The following CSPP1 variants were observed in gnomAD, a reference collection of about 807,000 sequenced individuals.
CSPP1 encodes the protein centrosome and spindle pole associated protein 1, also known as centrosome and spindle pole-associated protein 1.
CSPP1 carries 126 observed loss-of-function variants against 164.4 expected under a neutral mutation model. The observed-to-expected ratio is 0.77, with a 90% CI of 0.66 to 0.89. CSPP1 has a LOEUF of 0.89. Ranked by LOEUF, CSPP1 falls within the 40% of genes least tolerant of loss-of-function variation. CSPP1 has a pLI of 0.00. For missense variants in CSPP1, 1,395 were observed against 1,449.8 expected (o/e 0.96, Z 0.61); for synonymous variants, 472 against 476.7 (o/e 0.99, Z 0.13).
In CSPP1 at chr8:67,187,625, C is replaced by A. The variant is rs1404248914; in HGVS notation, c.3221-3025C>A. ...CTTGAGCCTGGAAGTTCAAGGCTGC[C>A]GTGAGCTATGATCACGCCACTAAAC... On this transcript the variant is annotated intron_variant, in intron 28 of 30. Coordinates refer to ENST00000678616, the MANE Select transcript of CSPP1 (RefSeq NM_001382391.1). Among the ~76,000 whole-genome samples the A allele has an allele frequency of 2.0e-5, 3 of 151,584 alleles. No homozygotes were observed. In the South Asian group the frequency reaches 6.2e-4, roughly 32 times the overall value.
At position 67,073,303 on chromosome 8, in the gene CSPP1, A is replaced by G. The variant is rs545462863; in HGVS notation, c.-10-940A>G. ...TCTCTTTGTGACACCTTAAAATTTC[A>G]CCTAATATTTCTGGTGAGAATGCAT... is the stretch of plus-strand genomic sequence containing the variant. On this transcript the variant is annotated intron_variant, in intron 1 of 30. Transcript: ENST00000678616. 2.0e-5 allele frequency among the ~76,000 whole-genome samples: 3 copies of G among 152,260 alleles called. No individual in the cohort carries two copies. In the East Asian group the frequency reaches 5.8e-4, roughly 29 times the overall value.
At position 67,164,684 on chromosome 8, in the gene CSPP1, A is replaced by G. The variant is rs140228345; in HGVS notation, c.2828+176A>G. ...AGAAATTTAGTTCTCAAGGGGATTC[A>G]TGTAGGAATGGAAATTTCCGGGTTG... On this transcript the variant is annotated intron_variant, in intron 24 of 30. Coordinates refer to ENST00000678616, the MANE Select transcript of CSPP1 (RefSeq NM_001382391.1). Among the ~76,000 whole-genome samples, 1,135 of 152,320 alleles carry G rather than the reference A, an allele frequency of 7.5e-3. 47 individuals carry two copies. The highest frequency in any genetic ancestry group is 8.1e-3 in the East Asian group (42 of 5,186).
chr8:67,157,566 G>A (rs1826914934), intron 19 of CSPP1: 1 of 152,166 alleles, frequency 6.6e-6, no homozygotes, highest in Non-Finnish European at 1.5e-5. Flanking sequence ...TAAAGTTCTT[G>A]TAGCTCAAAA....
rs1398089344 is a variant in CSPP1 at position 67,196,413 on chromosome 8, CTCAG to C, written c.*822_*825del. 2 of 152,146 alleles carry C rather than the reference CTCAG, an allele frequency of 1.3e-5. No individual in the cohort carries two copies. The highest frequency in any genetic ancestry group is 2.4e-5 in the African/African-American group (1 of 41,430). The allele number at this position is 152,146 out of a possible 1,614,324, so 9.4% of individuals were successfully genotyped here. ...TGAGTCCATGTGAGTTTTCTAATCA[CTCAG>C]TAAGTGATACTTCTAAAAAAGGAAA... On this transcript the variant is annotated 3_prime_UTR_variant, in exon 31 of 31. Transcript: ENST00000678616.
In CSPP1 at chr8:67,087,724, TA is replaced by T. The variant is rs1585954871; in HGVS notation, c.303+1615del. ...GAGAGTAGTAAGAAATAATGATGTA[TA>T]TAGGATAGGATCAAATTAGAAGGCA... On this transcript the variant is annotated intron_variant, in intron 4 of 30. Transcript: ENST00000678616. 2.6e-5 allele frequency among the ~76,000 whole-genome samples: 4 copies of T among 152,314 alleles called. No homozygotes were observed. The East Asian group carries it at 7.7e-4, about 29-fold the overall frequency.
At position 67,163,508 on chromosome 8, in the gene CSPP1, C is replaced by T. The variant is rs568478669; in HGVS notation, c.2644-224C>T. 8.2e-4 allele frequency among the ~76,000 whole-genome samples: 125 copies of T among 151,878 alleles called. No homozygotes were observed. The South Asian group carries it at 0.025, about 30-fold the overall frequency. On this transcript the variant is annotated intron_variant, in intron 22 of 30. Coordinates refer to ENST00000678616, the MANE Select transcript of CSPP1 (RefSeq NM_001382391.1). ...TGGGTAGAGGCAAGGACACTTCCAT[C>T]GTGATGAGAAGGAAGAATAGATTTA...
At chr8:67,065,752 C>A (rs1554549288) in intron 1 of CSPP1, among the ~76,000 whole-genome samples, 1 of 152,170 alleles carries the variant, frequency 6.6e-6, no homozygotes, top group Non-Finnish European at 1.5e-5. Flanking sequence ...TGGTCTCGAA[C>A]TCCTGACCTC....
chr8:67,121,763 A>G (rs1819024949), intron 15 of CSPP1, among the ~76,000 whole-genome samples: 1 of 152,166 alleles, frequency 6.6e-6, no homozygotes, highest in South Asian at 2.1e-4. Context: ...GATAGAATTC[A>G]CCAGTGAAAC....
In CSPP1 at chr8:67,093,537, T is replaced by G; in HGVS notation, c.385-6T>G. On this transcript the variant is annotated splice_region_variant and splice_polypyrimidine_tract_variant and intron_variant, in intron 5 of 30. Transcript: ENST00000678616. ...TTTAACATTGCCTTTTGATTTTTAT[T>G]TTAAGGAAAGGTTGAAACTTGAACG... The G allele has an allele frequency of 1.3e-6, 2 of 1,574,000 alleles. No homozygotes were observed. The highest frequency in any genetic ancestry group is 1.7e-6 in the Non-Finnish European group (2 of 1,150,718).
intron 10 of CSPP1, among the ~76,000 whole-genome samples, chr8:67,112,664 C>CTGGAT (rs1266890028): frequency 6.6e-6 from 1 of 152,116 alleles, no homozygotes; most frequent in African/African-American, 2.4e-5. Flanking sequence ...TACGTCTGAC[C>CTGGAT]TGGATTGCAG....
chr8:67,141,174 A>G (rs1180782867), intron 17 of CSPP1, among the ~76,000 whole-genome samples: 3 of 152,168 alleles, frequency 2.0e-5, no homozygotes, highest in African/African-American at 4.8e-5. Context: ...AAACAATACA[A>G]TTATTGTGTT....
At chr8:67,156,228 C>T (rs1421525634) in intron 19 of CSPP1, among the ~76,000 whole-genome samples, 1 of 152,184 alleles carries the variant, frequency 6.6e-6, no homozygotes, top group East Asian at 1.9e-4. Context: ...TGTTTAATAA[C>T]ATACAACTAA....
At chr8:67,159,509 CTTTTTTTTT>C (rs1172369424) in intron 21 of CSPP1, among the ~76,000 whole-genome samples, 3 of 48,912 alleles carry the variant, frequency 6.1e-5, no homozygotes, top group Admixed American at 2.5e-4. Flanking sequence ...TATATGTATT[CTTTTTTTTT>C]TTTTTTTTTT....
chr8:67,119,403 C>A (rs1262342594), intron 15 of CSPP1, among the ~76,000 whole-genome samples: 1 of 152,030 alleles, frequency 6.6e-6, no homozygotes, highest in African/African-American at 2.4e-5. Context: ...TGGGTCTGTA[C>A]CCAGAGCTGG....
chr8:67,182,459 A>T (rs77657381), intron 28 of CSPP1, among the ~76,000 whole-genome samples: 3,813 of 152,250 alleles, frequency 0.025, 138 homozygotes, highest in African/African-American at 0.085. Flanking sequence ...GTGTACAATT[A>T]TCTGTTGGAG....
At chr8:67,170,402 G>A (rs1432518298) in intron 24 of CSPP1, among the ~76,000 whole-genome samples, 1 of 152,120 alleles carries the variant, frequency 6.6e-6, no homozygotes, top group African/African-American at 2.4e-5. Flanking sequence ...GTTGCAGTGA[G>A]CTGAGATTGT....
chr8:67,163,898 G>C, intron 23 of CSPP1, 100 bp downstream of exon 23: 1 of 898,860 alleles, frequency 1.1e-6, no homozygotes, highest in Admixed American at 2.4e-5. Context: ...AAACAGTATA[G>C]AGCGGTTAGG....
At chr8:67,138,410 G>A (rs1822798906) in intron 17 of CSPP1, among the ~76,000 whole-genome samples, 1 of 152,068 alleles carries the variant, frequency 6.6e-6, no homozygotes, top group South Asian at 2.1e-4. Context: ...TTGTAATCTT[G>A]TATTAATTAG....
At chr8:67,107,577 G>A (rs1303775557) in intron 9 of CSPP1, among the ~76,000 whole-genome samples, 1 of 152,082 alleles carries the variant, frequency 6.6e-6, no homozygotes, top group Non-Finnish European at 1.5e-5. Context: ...TTACCTCCTG[G>A]TTGATCTTTT....
Sources: gnomAD v4.1 joint callset for allele counts (sites outside exome capture counted in the v4.1 genomes callset) on GRCh38, gnomAD v4.1.1 for gene constraint, MANE v1.5 for transcripts, NCBI Gene and HGNC (gene_info 2026-07-23, HGNC 2026-07-21) for gene names.